The following MTOR variants were observed in gnomAD, a reference collection of about 807,000 sequenced individuals.
MTOR encodes the protein serine/threonine-protein kinase mTOR.
In MTOR, 70 loss-of-function variants were observed where a neutral mutation model predicts 319.8. The ratio of observed to expected loss-of-function variants is 0.22; its 90% CI spans 0.18 to 0.27. The LOEUF (loss-of-function observed/expected upper bound fraction) is 0.27. Ranked by LOEUF, MTOR falls within the 10% of genes least tolerant of loss-of-function variation. The pLI is 1.00. For synonymous variants in MTOR, 1,183 were observed against 1,211.4 expected (o/e 0.98, Z 0.49); for missense variants, 1,890 against 3,274.4 (o/e 0.58, Z 10.32).
Position 11,237,242 on chromosome 1 carries a change from C to T in MTOR, c.2208+601G>A, listed in dbSNP as rs568646415. The stretch of plus-strand genomic sequence containing the variant: ...ACTCCATGTATTGCTCACCAGGAGG[C>T]CACAGATCTTACTCAGTAGGTGAAG... On this transcript the variant is annotated intron_variant, in intron 13 of 57. Coordinates refer to ENST00000361445, the MANE Select transcript of MTOR (RefSeq NM_004958.4). Among the ~76,000 whole-genome samples the T allele has an allele frequency of 4.6e-5, 7 of 152,140 alleles. No individual in the cohort carries two copies. In the East Asian group the frequency reaches 1.2e-3, roughly 25 times the overall value.
In MTOR at chr1:11,106,720, C is replaced by T; in HGVS notation, c.*765G>A. The T allele has an allele frequency of 1.7e-6, 2 of 1,193,076 alleles. No homozygotes were observed. The highest frequency in any genetic ancestry group is 7.0e-4 in the Middle Eastern group (2 of 2,842). 73.9% of individuals were successfully genotyped at this position (1,193,076 alleles called of 1,614,324 possible). On this transcript the variant is annotated 3_prime_UTR_variant, in exon 58 of 58. Coordinates refer to ENST00000361445, the MANE Select transcript of MTOR (RefSeq NM_004958.4). Reference sequence around the variant, plus strand: ...ATGACAGTATTTCTGTTTTCTGAGCCCTTGCTCTAAACAGAGTATTTTGAC... The same window carrying T: ...ATGACAGTATTTCTGTTTTCTGAGCTCTTGCTCTAAACAGAGTATTTTGAC...
intron 25 of MTOR, among the ~76,000 whole-genome samples, chr1:11,205,310 G>T (rs1189642157): frequency 1.3e-5 from 2 of 152,182 alleles, no homozygotes; most frequent in East Asian, 3.8e-4. Flanking sequence ...CTGAGGTTTT[G>T]GAGAACAGTA....
In MTOR at chr1:11,209,412, T is replaced by C; in HGVS notation, c.3701A>G (p.His1234Arg). ...CCCTTGGCCACTCCTAAGCATCCGA[T>C]GCTGGTAAATCAAAGGATCCTCCTC... ...DEEEDPLIYQ[H>R]RMLRSGQGDA... is the part of the protein sequence containing the mutation. The change falls in exon 25 of 58, where the codon CAT becomes CGT. Residue 1234 changes from histidine (H) to arginine (R), a missense_variant. Physicochemically the swap from His to Arg is conservative, Grantham distance 29 (BLOSUM62 0). Around this residue, in one of 15 missense-constraint regions of MTOR, gnomAD observed 115 missense variants for 105.7 expected, o/e 1.09. Transcript: ENST00000361445. 6.2e-7 allele frequency: 1 copy of C among 1,614,222 alleles called. No homozygotes were observed. Among genetic ancestry groups the C allele is most frequent in the Non-Finnish European group, 8.5e-7 (1 of 1,180,028 alleles).
At chr1:11,254,088 T>C (rs970475748) in intron 5 of MTOR, 115 bp from the exon 6 acceptor site, 2 of 1,197,418 alleles carry the variant, frequency 1.7e-6, no homozygotes, top group East Asian at 2.4e-5. Context: ...GCTCAGTGCC[T>C]AGTGCCAGTC....
intron 18 of MTOR, among the ~76,000 whole-genome samples, chr1:11,229,957 C>A (rs990853548): frequency 1.3e-5 from 2 of 151,780 alleles, no homozygotes; most frequent in African/African-American, 4.8e-5. Context: ...CAAAGTGAGA[C>A]CCTGTCTCCA....
intron 1 of MTOR, among the ~76,000 whole-genome samples, chr1:11,261,216 C>A (rs1012235655): frequency 1.3e-5 from 2 of 151,316 alleles, no homozygotes; most frequent in Non-Finnish European, 2.9e-5. Context: ...TAGTTCCTGG[C>A]CGGGTTTGGG....
intron 30 of MTOR, among the ~76,000 whole-genome samples, chr1:11,156,229 A>T (rs2100562211): frequency 6.6e-6 from 1 of 152,292 alleles, no homozygotes; most frequent in African/African-American, 2.4e-5. Context: ...ACTTCAAATG[A>T]TCTGCCTGCC....
intron 28 of MTOR, among the ~76,000 whole-genome samples, chr1:11,174,357 GC>G (rs1210749732): frequency 6.6e-6 from 1 of 152,102 alleles, no homozygotes; most frequent in Non-Finnish European, 1.5e-5. Flanking sequence ...GCCCTCCTGT[GC>G]CTTCATTTTA....
intron 11 of MTOR, 30 bp downstream of exon 11, chr1:11,240,273 A>G (rs1169515157): frequency 1.3e-6 from 2 of 1,526,030 alleles, no homozygotes; most frequent in East Asian, 4.6e-5. Flanking sequence ...ATCTCTCACT[A>G]TCTTGGCAAG....
In MTOR at chr1:11,115,385, C is replaced by T; in HGVS notation, c.7089+11G>A. On this transcript the variant is annotated intron_variant, in intron 51 of 57. Coordinates refer to ENST00000361445, the MANE Select transcript of MTOR (RefSeq NM_004958.4). The surrounding 1 kb of genome is among the most constrained non-coding windows in gnomAD (Gnocchi z 4.5). Reference sequence around the variant, plus strand: ...GGAAGATGAGGTTGGGGTTCTAGAACATGTGTTCACCTCAAAGCAGTCCCC... The same window carrying T: ...GGAAGATGAGGTTGGGGTTCTAGAATATGTGTTCACCTCAAAGCAGTCCCC... 6.2e-7 allele frequency: 1 copy of T among 1,613,740 alleles called. No individual in the cohort carries two copies. The highest frequency in any genetic ancestry group is 8.5e-7 in the Non-Finnish European group (1 of 1,179,646).
At chr1:11,202,552 C>CTTCA (rs1203791866) in intron 26 of MTOR, among the ~76,000 whole-genome samples, 1 of 151,456 alleles carries the variant, frequency 6.6e-6, no homozygotes, top group South Asian at 2.1e-4. Flanking sequence ...AAAGCCCAGA[C>CTTCA]TTCACCACTA....
Position 11,109,209 on chromosome 1 carries a change from G to T in MTOR, c.7528+81C>A. ...CCAAAGCTCGTCACTAACACCACTG[G>T]ACATGGGGCTGACCACCACTCAGAG... On this transcript the variant is annotated intron_variant, in intron 56 of 57. Transcript: ENST00000361445. This position sits in a 1 kb window ranked among gnomAD's most constrained non-coding sequence, Gnocchi z 4.0. 7.8e-7 allele frequency: 1 copy of T among 1,287,680 alleles called. No individual in the cohort carries two copies. The highest frequency in any genetic ancestry group is 1.1e-6 in the Non-Finnish European group (1 of 902,708). 79.8% of individuals were successfully genotyped at this position (1,287,680 alleles called of 1,614,324 possible).
Position 11,121,138 on chromosome 1 carries a change from A to C in MTOR, c.6933+108T>G. 1 of 1,459,816 alleles carries C rather than the reference A, an allele frequency of 6.9e-7. No individual in the cohort carries two copies. The highest frequency in any genetic ancestry group is 9.2e-7 in the Non-Finnish European group (1 of 1,088,552). 90.4% of individuals were successfully genotyped at this position (1,459,816 alleles called of 1,614,324 possible). A position where few individuals can be genotyped will look rare whatever the true frequency, so the allele number is the denominator to read the frequency against. On this transcript the variant is annotated intron_variant, in intron 49 of 57. Coordinates refer to ENST00000361445, the MANE Select transcript of MTOR (RefSeq NM_004958.4). The surrounding 1 kb of genome is among the most constrained non-coding windows in gnomAD (Gnocchi z 4.9). Reference sequence around the variant, plus strand: ...AAAAGTCTGGACACGCTCTACAGCCAATCACAGCAAAGAAGAGCCGCTGTG... The same window carrying C: ...AAAAGTCTGGACACGCTCTACAGCCCATCACAGCAAAGAAGAGCCGCTGTG...
At chr1:11,207,597 CTTTTT>C (rs34578052) in intron 25 of MTOR, among the ~76,000 whole-genome samples, 8 of 121,670 alleles carry the variant, frequency 6.6e-5, no homozygotes, top group Admixed American at 8.6e-5. Flanking sequence ...TTTTCAATTC[CTTTTT>C]TTTTTTTTTT....
intron 28 of MTOR, among the ~76,000 whole-genome samples, chr1:11,172,755 G>A (rs1159587982): frequency 2.0e-5 from 3 of 151,372 alleles, no homozygotes; most frequent in African/African-American, 7.3e-5. Context: ...TGTAATTGCA[G>A]CTACTCGGGA....
chr1:11,152,625 G>C (rs920438849), intron 30 of MTOR, among the ~76,000 whole-genome samples: 5 of 152,006 alleles, frequency 3.3e-5, no homozygotes, highest in Admixed American at 6.6e-5. Flanking sequence ...CAGGGCAGGG[G>C]GTGCGGGTTG....
chr1:11,148,531 T>A (rs977347369), intron 31 of MTOR, among the ~76,000 whole-genome samples: 4 of 152,150 alleles, frequency 2.6e-5, no homozygotes, highest in Admixed American at 2.0e-4. Flanking sequence ...GAAGGCCAAT[T>A]ATAGAGATGA....
intron 30 of MTOR, among the ~76,000 whole-genome samples, chr1:11,154,674 T>C (rs746819109): frequency 6.6e-6 from 1 of 151,984 alleles, no homozygotes; most frequent in Non-Finnish European, 1.5e-5. Context: ...TGAGACCCTA[T>C]CCCTACAAAA....
Position 11,213,407 on chromosome 1 carries a change from A to G in MTOR, c.3277T>C (p.Ser1093Pro), listed in dbSNP as rs745904361. Residue 1093 changes from serine to proline, a missense_variant, in exon 21 of 58, where the codon TCT becomes CCT. By Grantham distance (74) the Ser-to-Pro change is moderately conservative. Around this residue, in one of 15 missense-constraint regions of MTOR, gnomAD observed 377 missense variants for 653.9 expected, o/e 0.58. Transcript: ENST00000361445. ...TGACGTAGGCTACTCACCTTGATAG[A>G]GACAATGCGGCCTGGGCTGTTGTCA... ...MHDNSPGRIV[S>P]IKLLAAIQLF... 1.2e-6 allele frequency: 2 copies of G among 1,612,174 alleles called. No individual in the cohort carries two copies. The highest frequency in any genetic ancestry group is 3.3e-5 in the Admixed American group (2 of 59,920).
Sources: gnomAD v4.1 joint callset for allele counts (sites outside exome capture counted in the v4.1 genomes callset) on GRCh38, gnomAD v4.1.1 for gene constraint, gnomAD v4.1.1 regional missense constraint, Gnocchi (gnomAD v3.1) non-coding constraint, MANE v1.5 for transcripts, NCBI Gene and HGNC (gene_info 2026-07-23, HGNC 2026-07-21) for gene names.